The following PCGF3 variants were observed in gnomAD, a reference collection of about 807,000 sequenced individuals.
The protein encoded by PCGF3 is polycomb group RING finger protein 3.
Under a neutral mutation model 33.1 loss-of-function variants are expected in PCGF3, and 7 were observed. That is an observed-to-expected ratio of 0.21 (90% CI 0.12 to 0.40). PCGF3 has a LOEUF of 0.40. Among genes scored for constraint, PCGF3 ranks in the 10% least tolerant of loss-of-function variants. PCGF3 has a pLI of 1.00. For missense variants in PCGF3, 211 were observed against 313.3 expected, an observed-to-expected ratio of 0.67 and a Z score of 2.46; for synonymous variants, 153 against 121.3, an observed-to-expected ratio of 1.26 and a Z score of -1.72.
intron 1 of PCGF3, among the ~76,000 whole-genome samples, chr4:716,257 GGC>G (rs1742831575): frequency 8.2e-5 from 11 of 134,070 alleles, no homozygotes; most frequent in South Asian, 2.7e-4. Flanking sequence ...GTGAGAACTG[GGC>G]GTCGGTGCTG....
intron 3 of PCGF3, 52 bp from the exon 4 acceptor site, chr4:733,620 T>C (rs1342907225): frequency 6.5e-7 from 1 of 1,548,944 alleles, no homozygotes; most frequent in Non-Finnish European, 8.7e-7. Flanking sequence ...CAGCCAAGGA[T>C]GAAAGGCATG....
At chr4:735,478 C>T (rs879394283) in intron 5 of PCGF3, among the ~76,000 whole-genome samples, 17 of 152,214 alleles carry the variant, frequency 1.1e-4, no homozygotes, top group Middle Eastern at 3.4e-3. Context: ...CCCAGGAGGC[C>T]GAGGTTGCAG....
At chr4:730,371 C>G (rs1456025035) in intron 1 of PCGF3, among the ~76,000 whole-genome samples, 1 of 152,046 alleles carries the variant, frequency 6.6e-6, no homozygotes, top group Non-Finnish European at 1.5e-5. Context: ...CCCCCAGCTG[C>G]CCCCCCACCC....
At chr4:733,626 G>C (rs142491935) in intron 3 of PCGF3, 46 bp from the exon 4 acceptor site, 5 of 1,558,416 alleles carry the variant, frequency 3.2e-6, no homozygotes, top group Admixed American at 1.7e-5. Context: ...AGGATGAAAG[G>C]CATGGAAGAG....
intron 9 of PCGF3, among the ~76,000 whole-genome samples, chr4:763,971 G>A (rs1049597086): frequency 5.9e-5 from 9 of 152,234 alleles, no homozygotes; most frequent in Non-Finnish European, 1.0e-4. Flanking sequence ...GCTGTAGGCC[G>A]TGCGACTCCA....
intron 8 of PCGF3, among the ~76,000 whole-genome samples, chr4:747,811 G>A (rs948196482): frequency 2.0e-5 from 3 of 152,214 alleles, no homozygotes; most frequent in African/African-American, 7.2e-5. Flanking sequence ...CCTTCCCTGG[G>A]GATGAAGGGA....
intron 5 of PCGF3, among the ~76,000 whole-genome samples, chr4:736,473 G>A: frequency 6.6e-6 from 1 of 151,702 alleles, no homozygotes; most frequent in Admixed American, 6.6e-5. Context: ...TGTCCCCTGA[G>A]CGCATAGGAT....
At chr4:716,367 G>A (rs867059845) in intron 1 of PCGF3, among the ~76,000 whole-genome samples, 3 of 112,850 alleles carry the variant, frequency 2.7e-5, no homozygotes, top group South Asian at 3.1e-4. Context: ...GGGACCCTGT[G>A]GACACTGTGA....
chr4:709,038 A>G (rs2109504199), intron 1 of PCGF3, among the ~76,000 whole-genome samples: 2 of 152,318 alleles, frequency 1.3e-5, no homozygotes, highest in Middle Eastern at 6.8e-3. Flanking sequence ...AGTGGGGTGC[A>G]TGAGGTATTC....
In PCGF3 at chr4:734,621, C is replaced by T. The variant is rs1178189798; in HGVS notation, c.110-310C>T. ...AGTATTGTAAAATTATCTGTTTTAGCCCATGTTCTGATGACCCACAGCTCT... is the reference window on the plus strand; with the variant it reads ...AGTATTGTAAAATTATCTGTTTTAGTCCATGTTCTGATGACCCACAGCTCT... On this transcript the variant is annotated intron_variant, in intron 4 of 10. Coordinates refer to ENST00000362003, the Ensembl canonical transcript of PCGF3. 6.5e-6 allele frequency: 8 copies of T among 1,228,550 alleles called. No homozygotes were observed. The African/African-American group carries it at 1.1e-4, about 17-fold the overall frequency. 76.1% of individuals were successfully genotyped at this position (1,228,550 alleles called of 1,614,324 possible).
At chr4:718,860 T>C (rs980758162) in intron 1 of PCGF3, among the ~76,000 whole-genome samples, 3 of 152,232 alleles carry the variant, frequency 2.0e-5, no homozygotes, top group Non-Finnish European at 4.4e-5. Context: ...GGAGCAGGGA[T>C]GCTTACTGTC....
At chr4:743,795 G>T (rs920527788) in intron 7 of PCGF3, 15 of 480,874 alleles carry the variant, frequency 3.1e-5, no homozygotes, top group Non-Finnish European at 1.5e-5. Flanking sequence ...GCCAGCAGGG[G>T]AGAGCAGGAG....
At position 733,667 on chromosome 4, in the gene PCGF3, T is replaced by C; in HGVS notation, c.-9-5T>C. ...GGTGTTAATTAATCGCGTTTTCTCT[T>C]GTAGAAGCCAAAGATGTTGACCAGG... is the stretch of plus-strand genomic sequence containing the variant. On this transcript the variant is annotated splice_region_variant and splice_polypyrimidine_tract_variant and intron_variant, in intron 3 of 10. Transcript: ENST00000362003. 1 of 1,597,560 alleles carries C rather than the reference T, an allele frequency of 6.3e-7. No individual in the cohort carries two copies.
Position 743,470 on chromosome 4 carries a change from G to T in PCGF3, c.263-4G>T, listed in dbSNP as rs571228270. 3 of 1,587,326 alleles carry T rather than the reference G, an allele frequency of 1.9e-6. No individual in the cohort carries two copies. Among genetic ancestry groups the T allele is most frequent in the South Asian group, 1.1e-5 (1 of 90,446 alleles). Reference sequence around the variant, plus strand: ...ATGAAAGACTGTGTGTTGATTTTCCGCAGCGGAAATGAGAAAGCAGAGGGA... The same window carrying T: ...ATGAAAGACTGTGTGTTGATTTTCCTCAGCGGAAATGAGAAAGCAGAGGGA... On this transcript the variant is annotated splice_polypyrimidine_tract_variant and splice_region_variant and intron_variant, in intron 6 of 10. Transcript: ENST00000362003.
chr4:750,921 G>C (rs772332638), intron 8 of PCGF3, among the ~76,000 whole-genome samples: 5 of 151,900 alleles, frequency 3.3e-5, no homozygotes, highest in Non-Finnish European at 7.4e-5. Context: ...AGTTGCTGTT[G>C]GTCTCTGCTT....
exon 11 of PCGF3, chr4:767,006 G>T (rs543299152): frequency 6.6e-6 from 1 of 152,486 alleles, no homozygotes; most frequent in South Asian, 2.1e-4. Flanking sequence ...CCGTGGGGAG[G>T]ATTTGCTGGT....
At chr4:713,167 C>CTT (rs1742648576) in intron 1 of PCGF3, among the ~76,000 whole-genome samples, 1 of 146,556 alleles carries the variant, frequency 6.8e-6, no homozygotes, top group African/African-American at 2.5e-5. Context: ...TCCTGTGTGG[C>CTT]GTCATGGGGG....
intron 1 of PCGF3, among the ~76,000 whole-genome samples, chr4:714,667 G>A (rs1211940066): frequency 6.6e-6 from 1 of 152,126 alleles, no homozygotes; most frequent in Non-Finnish European, 1.5e-5. Flanking sequence ...CTCCCTGTCC[G>A]TGGACCGGGC....
intron 9 of PCGF3, chr4:762,200 A>T: frequency 1.7e-6 from 1 of 599,808 alleles, no homozygotes; most frequent in Non-Finnish European, 2.1e-6. Flanking sequence ...GATATAATTA[A>T]ATAAAGGATT....
Sources: gnomAD v4.1 joint callset for allele counts (sites outside exome capture counted in the v4.1 genomes callset) on GRCh38, gnomAD v4.1.1 for gene constraint, MANE v1.5 for transcripts, NCBI Gene and HGNC (gene_info 2026-07-23, HGNC 2026-07-21) for gene names.